CCT6B: variants seen among roughly 807,000 people sequenced by gnomAD.
CCT6B encodes the protein probable T-complex protein 1 subunit zeta-2.
Under a neutral mutation model 61.5 loss-of-function variants are expected in CCT6B, and 49 were observed. The ratio of observed to expected loss-of-function variants is 0.80; its 90% CI spans 0.63 to 1.01. The LOEUF is 1.01. Ranked by LOEUF, CCT6B falls within the 50% of genes least tolerant of loss-of-function variation. CCT6B has a pLI of 0.00. For missense variants in CCT6B, 666 were observed against 634.7 expected (o/e 1.05, Z -0.53); for synonymous variants, 228 against 214.5 (o/e 1.06, Z -0.55).
chr17:34,939,690 A>C lies in CCT6B; in HGVS notation c.992T>G (p.Met331Arg), dbSNP rs2090138518. ...MERLSLACGG[M>R]AVNSFEDLTV... ...GAGATCTTCAAAAGAATTCACGGCC[A>C]TTCCACCACAAGCAAGAGAGAGTCT... Residue 331 changes from methionine (M) to arginine (R), a missense_variant, in exon 9 of 14, where the codon ATG becomes AGG. Met to Arg is a moderately conservative substitution (Grantham distance 91, BLOSUM62 -1). Transcript: ENST00000314144. 2 of 1,612,894 alleles carry C rather than the reference A, an allele frequency of 1.2e-6. No homozygotes were observed. The highest frequency in any genetic ancestry group is 1.7e-6 in the Non-Finnish European group (2 of 1,179,048).
chr17:34,932,239 A>T (rs1407218994), intron 11 of CCT6B, 128 bp downstream of exon 11: 1 of 816,530 alleles, frequency 1.2e-6, no homozygotes, highest in Non-Finnish European at 1.8e-6. Flanking sequence ...AATATCTAAG[A>T]GAAAACTGTG....
intron 4 of CCT6B, among the ~76,000 whole-genome samples, chr17:34,953,412 C>A (rs1420164881): frequency 6.6e-6 from 1 of 150,878 alleles, no homozygotes; most frequent in African/African-American, 2.4e-5. Context: ...CTCACTGCAA[C>A]CTCCCCCTCC....
intron 3 of CCT6B, among the ~76,000 whole-genome samples, chr17:34,955,491 C>T (rs1457624125): frequency 1.3e-5 from 2 of 152,078 alleles, no homozygotes; most frequent in Non-Finnish European, 2.9e-5. Context: ...GAGAACAGGG[C>T]AAGCAGGCAA....
intron 10 of CCT6B, among the ~76,000 whole-genome samples, chr17:34,937,316 GATTT>G (rs1200707421): frequency 2.6e-5 from 4 of 151,918 alleles, no homozygotes; most frequent in African/African-American, 9.7e-5. Flanking sequence ...CTGATTTCAA[GATTT>G]ATTATAAAGC....
At chr17:34,953,818 G>A (rs1018277400) in intron 4 of CCT6B, among the ~76,000 whole-genome samples, 1 of 151,974 alleles carries the variant, frequency 6.6e-6, no homozygotes, top group African/African-American at 2.4e-5. Flanking sequence ...GCCAGGCGTG[G>A]TGGCACGCGC....
Position 34,938,983 on chromosome 17 carries a change from C to A in CCT6B, c.1213+200G>T, listed in dbSNP as rs370852563. On this transcript the variant is annotated intron_variant, in intron 10 of 13. Coordinates refer to ENST00000314144, the MANE Select transcript of CCT6B (RefSeq NM_006584.4). ...CCTGTAATCCCAGCTACTTGGGAGG[C>A]TGAGGCAGAAGAATCACTTGAACCT... Among the ~76,000 whole-genome samples the A allele has an allele frequency of 2.2e-4, 34 of 152,180 alleles. No individual in the cohort carries two copies. The South Asian group carries it at 6.6e-3, about 30-fold the overall frequency.
At chr17:34,957,480 C>T (rs1343630992) in intron 3 of CCT6B, among the ~76,000 whole-genome samples, 1 of 152,162 alleles carries the variant, frequency 6.6e-6, no homozygotes, top group East Asian at 1.9e-4. Flanking sequence ...TAGGATGAAA[C>T]AGCACTGTGA....
At chr17:34,960,348 C>A (rs1007066420) in intron 1 of CCT6B, among the ~76,000 whole-genome samples, 1 of 152,178 alleles carries the variant, frequency 6.6e-6, no homozygotes. Flanking sequence ...CCTTAATATA[C>A]CATGTTTTGT....
At chr17:34,942,410 G>A (rs1474925398) in intron 7 of CCT6B, 74 bp downstream of exon 7, 1 of 1,156,102 alleles carries the variant, frequency 8.6e-7, no homozygotes, top group East Asian at 2.6e-5. Context: ...GGATTCTTAG[G>A]GGTCCACAGA....
chr17:34,936,572 AG>A (rs1407791520), intron 10 of CCT6B, among the ~76,000 whole-genome samples: 3 of 152,250 alleles, frequency 2.0e-5, no homozygotes, highest in Non-Finnish European at 4.4e-5. Context: ...TGATTTAGCA[AG>A]GTTGCAGAAT....
At chr17:34,960,573 C>T (rs1336824240) in intron 1 of CCT6B, among the ~76,000 whole-genome samples, 1 of 152,190 alleles carries the variant, frequency 6.6e-6, no homozygotes, top group Non-Finnish European at 1.5e-5. Context: ...CTACCACATC[C>T]GTCTCTACCA....
Position 34,942,590 on chromosome 17 carries a change from A to C in CCT6B, c.779T>G (p.Val260Gly), listed in dbSNP as rs761067877. ...YKTAEEKEKLVKAERKFIEDR... is the reference protein window; with the variant it reads ...YKTAEEKEKLGKAERKFIEDR... ...TTCAATAAATTTTCTTTCAGCTTTTACCAATTTCTCTTTCTCTTCTGCAGT... is the reference window on the plus strand; with the variant it reads ...TTCAATAAATTTTCTTTCAGCTTTTCCCAATTTCTCTTTCTCTTCTGCAGT... Residue 260 changes from valine (V) to glycine (G), a missense_variant, in exon 7 of 14, where the codon GTA (valine) becomes GGA (glycine). Val to Gly is a moderately radical substitution (Grantham distance 109). Coordinates refer to ENST00000314144, the MANE Select transcript of CCT6B (RefSeq NM_006584.4). 1.9e-6 allele frequency: 3 copies of C among 1,608,078 alleles called. No homozygotes were observed. Among genetic ancestry groups the C allele is most frequent in the Non-Finnish European group, 1.7e-6 (2 of 1,177,286 alleles).
At chr17:34,935,989 C>T (rs1367913453) in intron 10 of CCT6B, among the ~76,000 whole-genome samples, 2 of 151,982 alleles carry the variant, frequency 1.3e-5, no homozygotes, top group African/African-American at 4.8e-5. Context: ...TTACTCTTGT[C>T]GCCCAGGCTA....
intron 10 of CCT6B, among the ~76,000 whole-genome samples, chr17:34,933,035 G>A (rs1036394457): frequency 5.3e-5 from 8 of 152,226 alleles, no homozygotes; most frequent in Non-Finnish European, 8.8e-5. Flanking sequence ...ACCCACCTCC[G>A]TCTCCCAAAA....
intron 6 of CCT6B, 59 bp downstream of exon 6, chr17:34,942,737 A>AT (rs1468748493): frequency 2.0e-6 from 3 of 1,494,430 alleles, no homozygotes; most frequent in South Asian, 1.2e-5. Flanking sequence ...GGAAAAAGAG[A>AT]TTTTAAAACA....
At chr17:34,937,768 C>T (rs551012737) in intron 10 of CCT6B, among the ~76,000 whole-genome samples, 14 of 152,112 alleles carry the variant, frequency 9.2e-5, no homozygotes, top group African/African-American at 3.4e-4. Context: ...TAAAATAAGC[C>T]ACAGAGGAGA....
chr17:34,959,599 C>T lies in CCT6B; in HGVS notation c.189G>A (p.Leu63=). The T allele has an allele frequency of 1.9e-6, 3 of 1,612,140 alleles. No individual in the cohort carries two copies. The highest frequency in any genetic ancestry group is 1.1e-5 in the South Asian group (1 of 91,020). ...DIKLTKDGNV[L]LDEMQIQHPT... ...AGCATCAGCTCACCATCTCATCGAG[C>T]AGCACATTGCCATCTTTGGTGAGTT... The change falls in exon 2 of 14, where the codon CTG becomes CTA. Residue 63 remains leucine (L), a synonymous_variant. Transcript: ENST00000314144.
chr17:34,929,011 C>T lies in CCT6B; in HGVS notation c.1474G>A (p.Ala492Thr), dbSNP rs1271121284. Residue 492 changes from alanine (A) to threonine (T), a missense_variant, in exon 13 of 14, where the codon GCA becomes ACA. Coordinates refer to ENST00000314144, the MANE Select transcript of CCT6B (RefSeq NM_006584.4). ...ACACAATAATTATCCCAAACTCCTG[C>T]ATCTGCTGCTACCATTGGCTCACCT... ...NTGEPMVAADAGVWDNYCVKK... is the reference protein window; with the variant it reads ...NTGEPMVAADTGVWDNYCVKK... 2 of 1,609,216 alleles carry T rather than the reference C, an allele frequency of 1.2e-6. No homozygotes were observed. The highest frequency in any genetic ancestry group is 2.7e-5 in the African/African-American group (2 of 74,848).
At chr17:34,949,315 C>G (rs1028658875) in intron 5 of CCT6B, 1 of 151,848 alleles carries the variant, frequency 6.6e-6, no homozygotes, top group Non-Finnish European at 1.5e-5. Flanking sequence ...ACAAAATTAG[C>G]TGGGCACGAT....
Sources: allele counts gnomAD v4.1 joint callset (sites outside exome capture counted in the v4.1 genomes callset), GRCh38; gene constraint gnomAD v4.1.1; transcripts MANE v1.5; gene names NCBI Gene and HGNC (gene_info 2026-07-23, HGNC 2026-07-21).